CDKAL1: variants seen among roughly 807,000 people sequenced by gnomAD.
The protein encoded by CDKAL1 is CDKAL1 threonylcarbamoyladenosine tRNA methylthiotransferase.
CDKAL1 carries 32 observed loss-of-function variants against 68.2 expected under a neutral mutation model. That is an observed-to-expected ratio of 0.47 (90% CI 0.35 to 0.63). The LOEUF is 0.63. CDKAL1 is among the 30% of genes least tolerant of loss of function. The probability of loss-of-function intolerance (pLI) is 0.00; values close to 1 mark genes in which losing one functional copy is unlikely to be tolerated. For synonymous variants in CDKAL1, 234 were observed against 244.3 expected (o/e 0.96, Z 0.39); for missense variants, 606 against 696.7 (o/e 0.87, Z 1.47).
intron 10 of CDKAL1, among the ~76,000 whole-genome samples, chr6:20,966,804 T>G (rs1030634887): frequency 2.0e-5 from 3 of 152,232 alleles, no homozygotes; most frequent in African/African-American, 7.2e-5. Context: ...TCAGGCTACC[T>G]TCTGATTGGT....
At chr6:21,004,983 A>G (rs1045943294) in intron 11 of CDKAL1, among the ~76,000 whole-genome samples, 4 of 152,154 alleles carry the variant, frequency 2.6e-5, no homozygotes, top group African/African-American at 9.7e-5. Context: ...TTGTCTTTGT[A>G]TTTTAAAATA....
At chr6:21,076,539 A>C (rs2068072) in intron 12 of CDKAL1, among the ~76,000 whole-genome samples, 64,591 of 151,972 alleles carry the variant, frequency 0.43, 14,228 homozygotes, top group East Asian at 0.66. Context: ...TGGAAGGAAT[A>C]CTGAATCTTT....
chr6:20,707,646 A>G (rs1771662786), intron 5 of CDKAL1, among the ~76,000 whole-genome samples: 1 of 152,214 alleles, frequency 6.6e-6, no homozygotes, highest in Non-Finnish European at 1.5e-5. Flanking sequence ...TAGTCATTTT[A>G]CTTACAAGGC....
At chr6:20,707,947 C>A (rs1433914167) in intron 5 of CDKAL1, among the ~76,000 whole-genome samples, 1 of 152,114 alleles carries the variant, frequency 6.6e-6, no homozygotes, top group African/African-American at 2.4e-5. Context: ...TGGCATTACC[C>A]ATGGACCTGT....
chr6:20,574,250 G>A (rs1476732683), intron 4 of CDKAL1, among the ~76,000 whole-genome samples: 4 of 152,048 alleles, frequency 2.6e-5, no homozygotes, highest in Non-Finnish European at 4.4e-5. Context: ...ATGATATAAT[G>A]GGGCCTATTA....
chr6:20,973,108 A>G (rs1054835056), intron 10 of CDKAL1, among the ~76,000 whole-genome samples: 1 of 151,790 alleles, frequency 6.6e-6, no homozygotes, highest in African/African-American at 2.4e-5. Flanking sequence ...TAAATAATGG[A>G]GTATCATTAT....
At chr6:20,824,448 T>G (rs1254497738) in intron 8 of CDKAL1, among the ~76,000 whole-genome samples, 1 of 152,144 alleles carries the variant, frequency 6.6e-6, no homozygotes, top group Non-Finnish European at 1.5e-5. Flanking sequence ...AAGGCTTGAC[T>G]GGGGAAGGAG....
At chr6:21,225,706 A>C (rs1779714965) in intron 15 of CDKAL1, among the ~76,000 whole-genome samples, 1 of 152,190 alleles carries the variant, frequency 6.6e-6, no homozygotes, top group Admixed American at 6.5e-5. Flanking sequence ...GGTCTGCCAC[A>C]ATTCAAAACC....
intron 9 of CDKAL1, among the ~76,000 whole-genome samples, chr6:20,947,026 A>T (rs12203876): frequency 6.6e-6 from 1 of 152,082 alleles, no homozygotes; most frequent in Non-Finnish European, 1.5e-5. Context: ...CAGAGACCTT[A>T]TCTCTAAGGT....
chr6:20,582,523 T>C (rs1765180651), intron 4 of CDKAL1, among the ~76,000 whole-genome samples: 1 of 152,212 alleles, frequency 6.6e-6, no homozygotes, highest in Non-Finnish European at 1.5e-5. Flanking sequence ...AGGGTTTTTT[T>C]CCTCTCTAGA....
intron 8 of CDKAL1, among the ~76,000 whole-genome samples, chr6:20,823,020 T>C (rs1476695977): frequency 6.6e-6 from 1 of 152,192 alleles, no homozygotes; most frequent in East Asian, 1.9e-4. Flanking sequence ...CCAGACTCTG[T>C]CTTAATAACT....
intron 12 of CDKAL1, among the ~76,000 whole-genome samples, chr6:21,067,711 G>C (rs935958660): frequency 6.6e-6 from 1 of 151,976 alleles, no homozygotes; most frequent in Non-Finnish European, 1.5e-5. Flanking sequence ...TTTTCCACTG[G>C]GGGGTCTGGC....
At chr6:21,151,797 C>A (rs1776421520) in intron 13 of CDKAL1, among the ~76,000 whole-genome samples, 1 of 152,134 alleles carries the variant, frequency 6.6e-6, no homozygotes, top group Non-Finnish European at 1.5e-5. Context: ...TCTGCAGTGC[C>A]TAGTACAGTT....
chr6:20,807,804 A>C (rs1446764491), intron 8 of CDKAL1, among the ~76,000 whole-genome samples: 1 of 152,230 alleles, frequency 6.6e-6, no homozygotes, highest in East Asian at 1.9e-4. Context: ...ATTGCCTTCC[A>C]AATTTGCAGC....
chr6:20,633,187 C>T (rs1364499304), intron 4 of CDKAL1, among the ~76,000 whole-genome samples: 1 of 152,176 alleles, frequency 6.6e-6, no homozygotes, highest in East Asian at 1.9e-4. Context: ...TAGCTGAGCC[C>T]ACTCAGTCCT....
intron 11 of CDKAL1, among the ~76,000 whole-genome samples, chr6:21,059,785 T>C (rs1352759087): frequency 3.3e-5 from 5 of 152,148 alleles, no homozygotes; most frequent in Admixed American, 2.0e-4. Context: ...TAAGTACCTT[T>C]TAGGGTACAA....
At chr6:21,065,261 T>G in intron 12 of CDKAL1, 33 bp downstream of exon 12, 1 of 1,535,014 alleles carries the variant, frequency 6.5e-7, no homozygotes, top group Non-Finnish European at 8.9e-7. Context: ...TATTGTTTTT[T>G]GCCAGTAGCT....
intron 11 of CDKAL1, among the ~76,000 whole-genome samples, chr6:21,043,367 A>G (rs995628628): frequency 2.3e-5 from 3 of 131,462 alleles, no homozygotes; most frequent in Non-Finnish European, 5.1e-5. Flanking sequence ...GTGTGTGTGT[A>G]TAAATGATTC....
At chr6:20,609,401 CTT>C (rs1168736535) in intron 4 of CDKAL1, among the ~76,000 whole-genome samples, 3 of 49,760 alleles carry the variant, frequency 6.0e-5, no homozygotes, top group Non-Finnish European at 1.2e-4. Flanking sequence ...TCTTCTTCTT[CTT>C]TTTTTTTTTT....
Sources: allele counts gnomAD v4.1 joint callset (sites outside exome capture counted in the v4.1 genomes callset), GRCh38; gene constraint gnomAD v4.1.1; transcripts MANE v1.5; gene names NCBI Gene and HGNC (gene_info 2026-07-23, HGNC 2026-07-21).